Variants in AVL9 observed in about 807,000 individuals in gnomAD.
AVL9 encodes the protein AVL9 cell migration associated, also known as late secretory pathway protein AVL9 homolog.
Under a neutral mutation model 79.2 loss-of-function variants are expected in AVL9, and 49 were observed. That is an observed-to-expected ratio of 0.62 (90% CI 0.49 to 0.79). The LOEUF (loss-of-function observed/expected upper bound fraction) is 0.79, where lower values mean the gene tolerates loss of function less well. Among genes scored for constraint, AVL9 ranks in the 30% least tolerant of loss-of-function variants. The pLI is 0.00. For synonymous variants in AVL9, 299 were observed against 280.6 expected, an observed-to-expected ratio of 1.07 and a Z score of -0.65; for missense variants, 682 against 776.8, an observed-to-expected ratio of 0.88 and a Z score of 1.45.
chr7:32,500,088 A>G (rs1787050521), intron 1 of AVL9, among the ~76,000 whole-genome samples: 1 of 152,198 alleles, frequency 6.6e-6, no homozygotes. Context: ...AGAATGATGT[A>G]TAATCCTTCG....
At chr7:32,565,697 C>T (rs1790532920) in intron 10 of AVL9, among the ~76,000 whole-genome samples, 1 of 151,886 alleles carries the variant, frequency 6.6e-6, no homozygotes, top group African/African-American at 2.4e-5. Flanking sequence ...GACCTCAGCT[C>T]TACTAAGTAA....
intron 10 of AVL9, among the ~76,000 whole-genome samples, chr7:32,560,352 T>A: frequency 6.6e-6 from 1 of 151,514 alleles, no homozygotes; most frequent in Admixed American, 6.6e-5. Flanking sequence ...TTTAATTTAT[T>A]TAAATATAAA....
rs1791859947 is a variant in AVL9 at position 32,587,746 on chromosome 7, C to T, written c.*3839C>T. 6.6e-6 allele frequency: 1 copy of T among 152,204 alleles called. No individual in the cohort carries two copies. The highest frequency in any genetic ancestry group is 6.5e-5 in the Admixed American group (1 of 15,278). 9.4% of individuals were successfully genotyped at this position (152,204 alleles called of 1,614,324 possible). The stretch of plus-strand genomic sequence containing the variant: ...AATTCCCCGAGGATGATTGTCATTC[C>T]ATGCAGCATAATGTGCCGTGAGGAG... On this transcript the variant is annotated 3_prime_UTR_variant, in exon 16 of 16. Transcript: ENST00000318709.
rs762728049 is a variant in AVL9, at chr7:32,559,481, T to G, written c.1215+17T>G. 6.7e-6 allele frequency: 10 copies of G among 1,498,690 alleles called. No homozygotes were observed. In the African/African-American group the frequency reaches 1.4e-4, roughly 21 times the overall value. The allele number at this position is 1,498,690 out of a possible 1,614,324, so 92.8% of individuals were successfully genotyped here. A position where few individuals can be genotyped will look rare whatever the true frequency, so the allele number is the denominator to read the frequency against. On this transcript the variant is annotated intron_variant, in intron 10 of 15. Coordinates refer to ENST00000318709, the MANE Select transcript of AVL9 (RefSeq NM_015060.3). Reference sequence around the variant, plus strand: ...TTCACAAAGGTAAAGTGTAATATTTTTTATCGAATTCCTTAAAGAATTTGA... The same window carrying G: ...TTCACAAAGGTAAAGTGTAATATTTGTTATCGAATTCCTTAAAGAATTTGA...
chr7:32,582,808 C>T (rs1247023347), intron 15 of AVL9, among the ~76,000 whole-genome samples: 1 of 152,172 alleles, frequency 6.6e-6, no homozygotes, highest in African/African-American at 2.4e-5. Context: ...CCTCAGCCTA[C>T]CAAGTAGCTG....
At chr7:32,542,463 G>A (rs1167169332) in intron 1 of AVL9, among the ~76,000 whole-genome samples, 3 of 151,956 alleles carry the variant, frequency 2.0e-5, no homozygotes, top group Admixed American at 2.0e-4. Context: ...CGCTGAGGCA[G>A]GAGAATTGCT....
At position 32,559,091 on chromosome 7, in the gene AVL9, T is replaced by C. The variant is rs745905967; in HGVS notation, c.842T>C (p.Met281Thr). 1 of 1,614,150 alleles carries C rather than the reference T, an allele frequency of 6.2e-7. No homozygotes were observed. The highest frequency in any genetic ancestry group is 2.2e-5 in the East Asian group (1 of 44,886). ...AACTTGGGAACTATCAGGAAAGTCA[T>C]GGCAGGAAACCATGGAGAAGATGCT... Reference protein sequence around the residue: ...HTNLGTIRKVMAGNHGEDAAM... With the variant: ...HTNLGTIRKVTAGNHGEDAAM... The change falls in exon 10 of 16, where the codon ATG becomes ACG. Residue 281 changes from methionine to threonine, a missense_variant. By Grantham distance (81) the Met-to-Thr change is moderately conservative. Transcript: ENST00000318709.
At position 32,522,960 on chromosome 7, in the gene AVL9, C is replaced by A. The variant is rs1001523513; in HGVS notation, c.94-20181C>A. ...CTTGCCACCGCCATGTAATAAGTGC[C>A]TTTTGCCTCCCGCCATAATTCTGAG... On this transcript the variant is annotated intron_variant, in intron 1 of 15. Transcript: ENST00000318709. Among the ~76,000 whole-genome samples, 14 of 151,934 alleles carry A rather than the reference C, an allele frequency of 9.2e-5. No individual in the cohort carries two copies. The South Asian group carries it at 2.9e-3, about 32-fold the overall frequency.
intron 12 of AVL9, among the ~76,000 whole-genome samples, chr7:32,573,802 CAT>C (rs1022812506): frequency 3.3e-5 from 5 of 152,120 alleles, no homozygotes; most frequent in African/African-American, 4.8e-5. Flanking sequence ...AATACTGCCA[CAT>C]GTTTTTTAAG....
chr7:32,585,388 CTGA>C lies in AVL9; in HGVS notation c.*1486_*1488del, dbSNP rs1791730676. 1 of 152,196 alleles carries C rather than the reference CTGA, an allele frequency of 6.6e-6. No homozygotes were observed. The highest frequency in any genetic ancestry group is 2.4e-5 in the African/African-American group (1 of 41,434). The allele number at this position is 152,196 out of a possible 1,614,324, so 9.4% of individuals were successfully genotyped here. On this transcript the variant is annotated 3_prime_UTR_variant, in exon 16 of 16. Transcript: ENST00000318709. ...CATACATGCATGTGTGTGCCATCTA[CTGA>C]TGATTTGTACACAGCTGGACCTCGT...
At chr7:32,529,641 A>G (rs754320947) in intron 1 of AVL9, among the ~76,000 whole-genome samples, 15 of 152,230 alleles carry the variant, frequency 9.9e-5, no homozygotes, top group Admixed American at 1.3e-4. Flanking sequence ...CTGGAACTCA[A>G]TGCTTATTCA....
rs535166806 is a variant in AVL9 at position 32,543,167 on chromosome 7, T to G, written c.120T>G (p.Ile40Met). Residue 40 changes from isoleucine to methionine, a missense_variant, in exon 2 of 16, where the codon ATT (isoleucine) becomes ATG (methionine). Physicochemically the swap from Ile to Met is conservative, Grantham distance 10. Transcript: ENST00000318709. ...TTGAATTCTCTTACCCGCCCCTGAT[T>G]CCAGGAGATGGACATGACAGCCACA... ...CQVEFSYPPL[I>M]PGDGHDSHTL... The G allele has an allele frequency of 2.0e-5, 33 of 1,614,144 alleles. No homozygotes were observed. Among genetic ancestry groups the G allele is most frequent in the Admixed American group, 1.0e-4 (6 of 59,998 alleles).
At chr7:32,540,802 T>C (rs1409039879) in intron 1 of AVL9, among the ~76,000 whole-genome samples, 2 of 150,862 alleles carry the variant, frequency 1.3e-5, no homozygotes, top group African/African-American at 4.9e-5. Context: ...TTTCAGTAGA[T>C]GGGTAAAAAT....
At position 32,573,193 on chromosome 7, in the gene AVL9, C is replaced by G. The variant is rs201057775; in HGVS notation, c.1351-6C>G. 9 of 1,612,374 alleles carry G rather than the reference C, an allele frequency of 5.6e-6. No individual in the cohort carries two copies. The highest frequency in any genetic ancestry group is 7.6e-6 in the Non-Finnish European group (9 of 1,178,730). ...AGACTCTGACTTGTACCTGGATACC[C>G]TCTAGGTAGAAGAAGCTCTGATCCA... is the stretch of plus-strand genomic sequence containing the variant. On this transcript the variant is annotated splice_region_variant and splice_polypyrimidine_tract_variant and intron_variant, in intron 11 of 15. Coordinates refer to ENST00000318709, the MANE Select transcript of AVL9 (RefSeq NM_015060.3).
At chr7:32,513,611 AGGGGGCCTGCCCCTCCACACCT>A (rs998835628) in intron 1 of AVL9, among the ~76,000 whole-genome samples, 2 of 152,234 alleles carry the variant, frequency 1.3e-5, no homozygotes, top group Admixed American at 1.3e-4. Context: ...GATGTATTGA[AGGGGGCCTGCCCCTCCACACCT>A]GTGGGTATTT....
chr7:32,559,405 G>C lies in AVL9; in HGVS notation c.1156G>C (p.Gly386Arg), dbSNP rs1183431454. The change falls in exon 10 of 16, where the codon GGG (glycine) becomes CGG (arginine). Residue 386 changes from glycine (G) to arginine (R), a missense_variant. Gly to Arg is a moderately radical substitution (Grantham distance 125). Transcript: ENST00000318709. ...TACGGGACAGGTAGTCCTGATACCAGGGCTCATTTCGGGTTTGGAAGAGGA... is the reference window on the plus strand; with the variant it reads ...TACGGGACAGGTAGTCCTGATACCACGGCTCATTTCGGGTTTGGAAGAGGA... The part of the protein sequence containing the change: ...ANTGQVVLIP[G>R]LISGLEEDQY... The C allele has an allele frequency of 6.2e-7, 1 of 1,609,574 alleles. No individual in the cohort carries two copies. The highest frequency in any genetic ancestry group is 1.3e-5 in the African/African-American group (1 of 74,890).
intron 1 of AVL9, chr7:32,537,235 T>A (rs1295434018): frequency 3.3e-5 from 5 of 152,138 alleles, no homozygotes; most frequent in African/African-American, 9.7e-5. Context: ...TGGGGCTTAT[T>A]ATGAATAACA....
At chr7:32,502,129 C>T (rs1787153135) in intron 1 of AVL9, among the ~76,000 whole-genome samples, 1 of 151,622 alleles carries the variant, frequency 6.6e-6, no homozygotes. Context: ...TTTGGGAGGC[C>T]AAGATGGGAA....
chr7:32,583,629 T>G (rs1791623407), intron 15 of AVL9, among the ~76,000 whole-genome samples, 163 bp from the exon 16 acceptor site: 1 of 152,182 alleles, frequency 6.6e-6, no homozygotes, highest in African/African-American at 2.4e-5. Flanking sequence ...CAGGGAGCCG[T>G]GACCACTGCA....
Sources: gnomAD v4.1 joint callset for allele counts (sites outside exome capture counted in the v4.1 genomes callset) on GRCh38, gnomAD v4.1.1 for gene constraint, MANE v1.5 for transcripts, NCBI Gene and HGNC (gene_info 2026-07-23, HGNC 2026-07-21) for gene names.